The following RIMS1 variants were observed in gnomAD, a reference collection of about 807,000 sequenced individuals.
The protein encoded by RIMS1 is regulating synaptic membrane exocytosis 1.
RIMS1 carries 83 observed loss-of-function variants against 214.1 expected under a neutral mutation model. That is an observed-to-expected ratio of 0.39 (90% CI 0.32 to 0.47). RIMS1 has a LOEUF of 0.47. RIMS1 is among the 20% of genes least tolerant of loss of function. The probability of loss-of-function intolerance (pLI) is 0.99; values close to 1 mark genes in which losing one functional copy is unlikely to be tolerated. For synonymous variants in RIMS1, 793 were observed against 786.8 expected, an observed-to-expected ratio of 1.01 and a Z score of -0.13; for missense variants, 2,050 against 2,161.8, an observed-to-expected ratio of 0.95 and a Z score of 1.03.
intron 29 of RIMS1, among the ~76,000 whole-genome samples, chr6:72,352,536 C>T (rs1288411266): frequency 6.6e-6 from 1 of 151,984 alleles, no homozygotes; most frequent in Non-Finnish European, 1.5e-5. Context: ...AAAATTTACC[C>T]TAAAAGTATA....
At chr6:72,095,125 T>TC (rs894232150) in intron 2 of RIMS1, among the ~76,000 whole-genome samples, 4 of 144,820 alleles carry the variant, frequency 2.8e-5, no homozygotes, top group Admixed American at 1.4e-4. Flanking sequence ...TATTTTTTTT[T>TC]TTTTTTTTTT....
intron 2 of RIMS1, among the ~76,000 whole-genome samples, chr6:72,091,796 A>T (rs1836303233): frequency 1.3e-5 from 2 of 152,156 alleles, no homozygotes; most frequent in African/African-American, 2.4e-5. Flanking sequence ...TCCATTTTCC[A>T]TGTGGATAAT....
At chr6:71,980,014 A>G (rs151126660) in intron 2 of RIMS1, among the ~76,000 whole-genome samples, 2,468 of 152,266 alleles carry the variant, frequency 0.016, 29 homozygotes, top group Middle Eastern at 0.027. Flanking sequence ...CAATATTATT[A>G]TTAGAAAGTT....
At chr6:72,082,923 A>T (rs532447951) in intron 2 of RIMS1, among the ~76,000 whole-genome samples, 5 of 152,326 alleles carry the variant, frequency 3.3e-5, no homozygotes, top group Admixed American at 3.3e-4. Flanking sequence ...TGAGAAACAA[A>T]GCAGGTTGAA....
intron 29 of RIMS1, among the ~76,000 whole-genome samples, chr6:72,376,992 G>A (rs750055868): frequency 6.6e-6 from 1 of 152,136 alleles, no homozygotes; most frequent in Non-Finnish European, 1.5e-5. Context: ...GCAATAAATG[G>A]AAGTACACAT....
At chr6:72,337,846 T>G (rs182296238) in intron 29 of RIMS1, among the ~76,000 whole-genome samples, 45 of 150,040 alleles carry the variant, frequency 3.0e-4, no homozygotes, top group Non-Finnish European at 5.0e-4. Context: ...CAGTGTTTGG[T>G]TTTTTGTCCT....
intron 1 of RIMS1, among the ~76,000 whole-genome samples, chr6:71,894,390 G>A (rs1770975665): frequency 6.6e-6 from 1 of 152,080 alleles, no homozygotes; most frequent in Non-Finnish European, 1.5e-5. Context: ...AGGCTGCAAT[G>A]AGCTGAGATC....
intron 4 of RIMS1, among the ~76,000 whole-genome samples, chr6:72,137,527 ATT>A (rs2041475565): frequency 6.6e-6 from 1 of 150,968 alleles, no homozygotes; most frequent in African/African-American, 2.4e-5. Flanking sequence ...ACCTTTGCTT[ATT>A]TTTCTATTGA....
At chr6:72,367,505 T>G (rs893732359) in intron 29 of RIMS1, among the ~76,000 whole-genome samples, 1 of 152,194 alleles carries the variant, frequency 6.6e-6, no homozygotes, top group African/African-American at 2.4e-5. Context: ...TGTTAATAAT[T>G]TGATGAAATT....
At chr6:72,007,491 T>C (rs1336214612) in intron 2 of RIMS1, among the ~76,000 whole-genome samples, 1 of 152,190 alleles carries the variant, frequency 6.6e-6, no homozygotes, top group Non-Finnish European at 1.5e-5. Context: ...TTTGACGAGC[T>C]GAGAGAAGAA....
chr6:72,383,158 T>G (rs2154425684), intron 29 of RIMS1, among the ~76,000 whole-genome samples: 1 of 152,260 alleles, frequency 6.6e-6, no homozygotes, highest in South Asian at 2.1e-4. Flanking sequence ...TCCCCTTCTC[T>G]TCTTCTCTTC....
At chr6:72,012,215 C>T (rs1005038602) in intron 2 of RIMS1, among the ~76,000 whole-genome samples, 6 of 151,944 alleles carry the variant, frequency 3.9e-5, no homozygotes, top group East Asian at 1.9e-4. Flanking sequence ...TCATTCTCAG[C>T]AAACTATCAC....
intron 1 of RIMS1, among the ~76,000 whole-genome samples, chr6:71,894,233 T>A (rs1311520384): frequency 6.6e-6 from 1 of 152,160 alleles, no homozygotes; most frequent in East Asian, 1.9e-4. Context: ...TCACTTGAGC[T>A]CAGGAGTTTG....
At chr6:72,150,331 G>T (rs1190334656) in intron 4 of RIMS1, among the ~76,000 whole-genome samples, 1 of 152,156 alleles carries the variant, frequency 6.6e-6, no homozygotes, top group Non-Finnish European at 1.5e-5. Flanking sequence ...TGGGAAGAGA[G>T]GTTCTCAATT....
intron 29 of RIMS1, among the ~76,000 whole-genome samples, chr6:72,386,079 T>TG (rs766083354): frequency 9.9e-5 from 15 of 152,180 alleles, no homozygotes; most frequent in Non-Finnish European, 2.1e-4. Context: ...CCTCAAATGA[T>TG]ATTTTTCAAG....
chr6:72,165,932 G>C (rs570813879), intron 4 of RIMS1, among the ~76,000 whole-genome samples: 3 of 152,140 alleles, frequency 2.0e-5, no homozygotes, highest in African/African-American at 7.2e-5. Flanking sequence ...GAGTTTTTCA[G>C]TCATTAAATA....
chr6:71,994,190 A>G (rs1157851489), intron 2 of RIMS1, among the ~76,000 whole-genome samples: 1 of 152,170 alleles, frequency 6.6e-6, no homozygotes, highest in Non-Finnish European at 1.5e-5. Context: ...TGGAGGATTT[A>G]TGTGGGGAAT....
At chr6:72,103,253 C>T (rs1044593105) in intron 4 of RIMS1, among the ~76,000 whole-genome samples, 2 of 152,048 alleles carry the variant, frequency 1.3e-5, no homozygotes, top group African/African-American at 4.8e-5. Context: ...GAAGATAATT[C>T]AGAAAGCTGT....
intron 1 of RIMS1, among the ~76,000 whole-genome samples, chr6:71,966,561 C>T (rs1273996029): frequency 2.0e-5 from 3 of 152,108 alleles, no homozygotes; most frequent in Admixed American, 6.5e-5. Flanking sequence ...CTAACTCTGT[C>T]GCCCAGGCTG....
Sources: allele counts gnomAD v4.1 joint callset (sites outside exome capture counted in the v4.1 genomes callset), GRCh38; gene constraint gnomAD v4.1.1; transcripts MANE v1.5; gene names NCBI Gene and HGNC (gene_info 2026-07-23, HGNC 2026-07-21).